The following PLCZ1 variants were observed in gnomAD, a reference collection of about 807,000 sequenced individuals.
PLCZ1 encodes phospholipase C zeta 1, also known as 1-phosphatidylinositol 4,5-bisphosphate phosphodiesterase zeta-1.
A neutral mutation model predicts 76.8 loss-of-function variants in PLCZ1; 64 were observed. The ratio of observed to expected loss-of-function variants is 0.83; its 90% CI spans 0.68 to 1.03. The LOEUF is 1.03. Ranked by LOEUF, PLCZ1 falls within the 50% of genes least tolerant of loss-of-function variation. The pLI, the probability that PLCZ1 is intolerant of heterozygous loss-of-function variation, is 0.00. For synonymous variants in PLCZ1, 248 were observed against 230.8 expected (o/e 1.07, Z -0.68); for missense variants, 751 against 713.7 (o/e 1.05, Z -0.60).
the PLCZ1 span, among the ~76,000 whole-genome samples, chr12:18,666,745 A>G: frequency 2.6e-4 from 40 of 152,336 alleles, no homozygotes; most frequent in African/African-American, 9.1e-4. Flanking sequence ...ACTCAACAAT[A>G]GCAGAATACA....
At chr12:18,648,594 T>C in the PLCZ1 span, among the ~76,000 whole-genome samples, 1 of 152,124 alleles carries the variant, frequency 6.6e-6, no homozygotes, top group Admixed American at 6.6e-5. Flanking sequence ...AGAAACTTCT[T>C]TGTAGTTTTT....
chr12:18,678,912 G>A (rs1191687838), downstream of PLCZ1, among the ~76,000 whole-genome samples: 1 of 152,004 alleles, frequency 6.6e-6, no homozygotes, highest in Admixed American at 6.6e-5. Flanking sequence ...TGTAAGAAAT[G>A]GTCAAACTGT....
chr12:18,719,703 A>C, intron 4 of PLCZ1, 71 bp from the exon 5 acceptor site: 1 of 1,021,268 alleles, frequency 9.8e-7, no homozygotes, highest in Non-Finnish European at 1.4e-6. Context: ...ACTACATCTC[A>C]CTTGTAAACT....
rs11279217 is a variant in PLCZ1, at chr12:18,701,606, A to ATCCTCC, written c.950-44_950-39dup. 2.5e-3 allele frequency: 3,736 copies of ATCCTCC among 1,522,800 alleles called. 4 individuals carry two copies. In the East Asian group the frequency reaches 0.028, roughly 11 times the overall value. 94.3% of individuals were successfully genotyped at this position (1,522,800 alleles called of 1,614,324 possible). On this transcript the variant is annotated intron_variant, in intron 8 of 14. Coordinates refer to ENST00000266505, the MANE Select transcript of PLCZ1 (RefSeq NM_033123.4). Reference sequence around the variant, plus strand: ...CCAATACTTCTGATTCTTTGAATTTATCCTCCTCCTCCTCCTCCTCCTCCT... The same window carrying ATCCTCC: ...CCAATACTTCTGATTCTTTGAATTTATCCTCCTCCTCCTCCTCCTCCTCCTCCTCCT...
chr12:18,657,248 G>A, the PLCZ1 span, among the ~76,000 whole-genome samples: 2 of 152,148 alleles, frequency 1.3e-5, no homozygotes, highest in African/African-American at 4.8e-5. Context: ...AAACCTGGGG[G>A]CGAAAGACTG....
chr12:18,684,622 G>T (rs1170753647), intron 13 of PLCZ1, among the ~76,000 whole-genome samples: 1 of 152,026 alleles, frequency 6.6e-6, no homozygotes, highest in South Asian at 2.1e-4. Context: ...TTCAAAAACG[G>T]GGAGTCTGAC....
At chr12:18,701,285 T>G (rs1004440013) in intron 9 of PLCZ1, among the ~76,000 whole-genome samples, 22 of 151,978 alleles carry the variant, frequency 1.4e-4, no homozygotes, top group African/African-American at 4.8e-4. Context: ...GTGCTCAGCC[T>G]AGAGAAAAAA....
chr12:18,699,741 C>A, intron 10 of PLCZ1, 53 bp downstream of exon 10: 1 of 1,500,502 alleles, frequency 6.7e-7, no homozygotes, highest in South Asian at 1.1e-5. Flanking sequence ...AACACCCTAG[C>A]AGTGAATCTA....
At position 18,701,716 on chromosome 12, in the gene PLCZ1, C is replaced by T. The variant is rs1418844199; in HGVS notation, c.925G>A (p.Glu309Lys). 3.7e-6 allele frequency: 6 copies of T among 1,612,332 alleles called. No individual in the cohort carries two copies. Residue 309 changes from glutamate (E) to lysine (K), a missense_variant, in exon 8 of 15, where the codon GAA becomes AAA. Transcript: ENST00000266505. ...CCACGCTTATCAGAACCTTTTCTTT[C>T]ATGGGTTTCCTTTAAGGTTCCTATT... ...KKIGTLKETHERKGSDKRGDN... is the reference protein window; with the variant it reads ...KKIGTLKETHKRKGSDKRGDN...
In PLCZ1 at chr12:18,712,937, C is replaced by T; in HGVS notation, c.619G>A (p.Ala207Thr). 1.2e-6 allele frequency: 2 copies of T among 1,613,922 alleles called. No homozygotes were observed. The highest frequency in any genetic ancestry group is 1.7e-6 in the Non-Finnish European group (2 of 1,179,860). ...TGATATACAACAGGTTCATTTTGTG[C>T]TCCATCCCAGCAGTCAATCTCCAAA... is the stretch of plus-strand genomic sequence containing the variant. The part of the protein sequence containing the change: ...RCLEIDCWDG[A>T]QNEPVVYHGY... The change falls in exon 6 of 15, where the codon GCA becomes ACA. Residue 207 changes from alanine to threonine, a missense_variant. By Grantham distance (58) the Ala-to-Thr change is moderately conservative. Coordinates refer to ENST00000266505, the MANE Select transcript of PLCZ1 (RefSeq NM_033123.4).
chr12:18,647,187 G>C, the PLCZ1 span, among the ~76,000 whole-genome samples: 1 of 151,880 alleles, frequency 6.6e-6, no homozygotes, highest in Non-Finnish European at 1.5e-5. Flanking sequence ...GCCTGCATAT[G>C]CACAAGAAAA....
chr12:18,720,136 T>C (rs1958354773), intron 4 of PLCZ1, among the ~76,000 whole-genome samples: 2 of 152,156 alleles, frequency 1.3e-5, no homozygotes, highest in South Asian at 2.1e-4. Context: ...TGGTTTCTTT[T>C]ACTCAACATT....
chr12:18,729,542 A>C (rs755668789), intron 3 of PLCZ1, among the ~76,000 whole-genome samples: 2 of 152,110 alleles, frequency 1.3e-5, no homozygotes, highest in Non-Finnish European at 2.9e-5. Context: ...TAATTCCTTA[A>C]AGAATTTGAA....
chr12:18,650,297 C>CCCAAA, the PLCZ1 span, among the ~76,000 whole-genome samples: 5 of 12,676 alleles, frequency 3.9e-4, no homozygotes, highest in South Asian at 0.045. Flanking sequence ...CCAAATTTCT[C>CCCAAA]TCTCTCTCTC....
At chr12:18,697,067 T>C (rs1309976125) in intron 10 of PLCZ1, among the ~76,000 whole-genome samples, 1 of 152,150 alleles carries the variant, frequency 6.6e-6, no homozygotes, top group Non-Finnish European at 1.5e-5. Flanking sequence ...GGCACCTTCT[T>C]CAAATTTTTG....
intron 3 of PLCZ1, 49 bp from the exon 4 acceptor site, chr12:18,723,591 A>G (rs780201338): frequency 2.0e-4 from 262 of 1,326,060 alleles, no homozygotes; most frequent in Non-Finnish European, 2.6e-4. Context: ...TAAAAAATAC[A>G]TAAAATGAAT....
chr12:18,719,921 T>A (rs1223858989), intron 4 of PLCZ1, among the ~76,000 whole-genome samples: 1 of 152,054 alleles, frequency 6.6e-6, no homozygotes, highest in Non-Finnish European at 1.5e-5. Context: ...CCAATGAACT[T>A]CGACAAGCTA....
chr12:18,715,400 T>G (rs1034422358), intron 5 of PLCZ1, among the ~76,000 whole-genome samples: 20 of 143,894 alleles, frequency 1.4e-4, no homozygotes, highest in African/African-American at 2.9e-4. Context: ...GGGTGTTTGG[T>G]TTTTTTTTTG....
chr12:18,651,753 G>C, the PLCZ1 span, among the ~76,000 whole-genome samples: 1 of 152,156 alleles, frequency 6.6e-6, no homozygotes, highest in Non-Finnish European at 1.5e-5. Context: ...TGGGCTCCAA[G>C]GATAACCAAG....
Sources: allele counts gnomAD v4.1 joint callset (sites outside exome capture counted in the v4.1 genomes callset), GRCh38; gene constraint gnomAD v4.1.1; transcripts MANE v1.5; gene names NCBI Gene and HGNC (gene_info 2026-07-23, HGNC 2026-07-21).